Variants in IGF1R observed in about 807,000 individuals in gnomAD.
IGF1R encodes the protein insulin-like growth factor 1 receptor.
A neutral mutation model predicts 144.6 loss-of-function variants in IGF1R; 44 were observed. That is an observed-to-expected ratio of 0.30 (90% confidence interval 0.24 to 0.39). IGF1R has a LOEUF of 0.39. IGF1R is among the 10% of genes least tolerant of loss of function. IGF1R has a pLI of 1.00. For missense variants in IGF1R, 1,355 were observed against 1,833.7 expected (o/e 0.74, Z 4.77); for synonymous variants, 795 against 722.8 (o/e 1.10, Z -1.60).
chr15:98,708,144 C>G, intron 2 of IGF1R, 37 bp downstream of exon 2: 2 of 1,534,084 alleles, frequency 1.3e-6, no homozygotes, highest in Admixed American at 1.7e-5. Context: ...CTCTCTGCCT[C>G]TCTCTCTCCT....
chr15:98,664,602 T>G (rs1434248306), intron 1 of IGF1R, among the ~76,000 whole-genome samples: 3 of 142,358 alleles, frequency 2.1e-5, no homozygotes, highest in Non-Finnish European at 3.1e-5. Flanking sequence ...GAGGTGGAGG[T>G]TGGAGGTTGG....
chr15:98,888,438 A>AGAGTGTGTGTGTGT (rs1555457179), intron 2 of IGF1R, among the ~76,000 whole-genome samples: 169 of 143,452 alleles, frequency 1.2e-3, no homozygotes, highest in East Asian at 0.011. Context: ...AGAGAGAGAG[A>AGAGTGTGTGTGTGT]GTGTGTGTGT....
At chr15:98,816,258 A>G (rs749675940) in intron 2 of IGF1R, among the ~76,000 whole-genome samples, 31 of 152,178 alleles carry the variant, frequency 2.0e-4, no homozygotes, top group Admixed American at 1.1e-3. Flanking sequence ...ATTCCCATCA[A>G]TAACTACAAG....
chr15:98,962,756 C>T lies in IGF1R; in HGVS notation c.*5314C>T, dbSNP rs897095466. ...TTGATTGTTCTTGAAGCTATCAGAC[C>T]ACATCGAGGCTCAGCAGTCATCCGT... On this transcript the variant is annotated 3_prime_UTR_variant, in exon 21 of 21. Coordinates refer to ENST00000650285, the MANE Select transcript of IGF1R (RefSeq NM_000875.5). 1.2e-4 allele frequency: 27 copies of T among 233,498 alleles called. No homozygotes were observed. The highest frequency in any genetic ancestry group is 4.6e-4 in the African/African-American group (21 of 45,454). The allele number at this position is 233,498 out of a possible 1,614,324, so 14.5% of individuals were successfully genotyped here. A position where few individuals can be genotyped will look rare whatever the true frequency, so the allele number is the denominator to read the frequency against.
At chr15:98,725,817 T>TA (rs2054344504) in intron 2 of IGF1R, among the ~76,000 whole-genome samples, 2 of 152,334 alleles carry the variant, frequency 1.3e-5, no homozygotes, top group East Asian at 1.9e-4. Flanking sequence ...AGGTACTTCT[T>TA]ACATGGTGGC....
intron 12 of IGF1R, 59 bp from the exon 13 acceptor site, chr15:98,924,466 C>A: frequency 6.4e-7 from 1 of 1,561,970 alleles, no homozygotes; most frequent in Non-Finnish European, 8.8e-7. Flanking sequence ...GTTTAGTTGG[C>A]AGGCCCCAGA....
chr15:98,722,758 A>T (rs1031869228), intron 2 of IGF1R, among the ~76,000 whole-genome samples: 1 of 152,082 alleles, frequency 6.6e-6, no homozygotes, highest in African/African-American at 2.4e-5. Context: ...CACTTAACAG[A>T]TGTTCAGGAT....
Position 98,849,410 on chromosome 15 carries a change from G to C in IGF1R, c.641-41915G>C, listed in dbSNP as rs117475943. Among the ~76,000 whole-genome samples the C allele has an allele frequency of 7.3e-3, 1,111 of 152,290 alleles. 6 individuals carry two copies. The highest frequency in any genetic ancestry group is 0.012 in the Non-Finnish European group (796 of 68,024). On this transcript the variant is annotated intron_variant, in intron 2 of 20. Coordinates refer to ENST00000650285, the MANE Select transcript of IGF1R (RefSeq NM_000875.5). Reference sequence around the variant, plus strand: ...ATACATTATACCATGTACCAGGCTAGACTCCAAGTGAATCCAAGGTAAAAG... The same window carrying C: ...ATACATTATACCATGTACCAGGCTACACTCCAAGTGAATCCAAGGTAAAAG...
intron 2 of IGF1R, among the ~76,000 whole-genome samples, chr15:98,748,072 T>A (rs1228275108): frequency 2.6e-5 from 4 of 152,250 alleles, no homozygotes; most frequent in African/African-American, 9.6e-5. Context: ...AATTTTTATT[T>A]CTGATTTTCT....
rs1457530119 is a variant in IGF1R, at chr15:98,957,490, G to T, written c.*48G>T. On this transcript the variant is annotated 3_prime_UTR_variant, in exon 21 of 21. Coordinates refer to ENST00000650285, the MANE Select transcript of IGF1R (RefSeq NM_000875.5). The stretch of plus-strand genomic sequence containing the variant: ...AAACAGTAACGTGTGCGCACGCGCA[G>T]CGGGGTGGGGGGGGAGAGAGAGTTT... 1 of 1,610,062 alleles carries T rather than the reference G, an allele frequency of 6.2e-7. No homozygotes were observed. Among genetic ancestry groups the T allele is most frequent in the African/African-American group, 1.3e-5 (1 of 74,842 alleles).
At chr15:98,907,406 T>C (rs2014784676) in intron 5 of IGF1R, among the ~76,000 whole-genome samples, 1 of 152,230 alleles carries the variant, frequency 6.6e-6, no homozygotes, top group South Asian at 2.1e-4. Context: ...TGTTTTGTCC[T>C]GGCTACGCTG....
At chr15:98,701,212 T>C (rs1183220247) in intron 1 of IGF1R, among the ~76,000 whole-genome samples, 1 of 152,178 alleles carries the variant, frequency 6.6e-6, no homozygotes, top group Non-Finnish European at 1.5e-5. Context: ...AAGATGATGA[T>C]TGGTTCACTA....
In IGF1R at chr15:98,830,717, C is replaced by T. The variant is rs1016152521; in HGVS notation, c.641-60608C>T. 2.0e-5 allele frequency among the ~76,000 whole-genome samples: 3 copies of T among 151,606 alleles called. No individual in the cohort carries two copies. The East Asian group carries it at 5.8e-4, about 30-fold the overall frequency. On this transcript the variant is annotated intron_variant, in intron 2 of 20. Transcript: ENST00000650285. ...CTTCTGGGTTCAAGCAATTCTCCTGCGTCAGCCTCCCAAGTAGCTAGGATT... is the reference window on the plus strand; with the variant it reads ...CTTCTGGGTTCAAGCAATTCTCCTGTGTCAGCCTCCCAAGTAGCTAGGATT...
At chr15:98,732,484 G>T (rs1315802262) in intron 2 of IGF1R, among the ~76,000 whole-genome samples, 2 of 152,258 alleles carry the variant, frequency 1.3e-5, no homozygotes, top group East Asian at 3.9e-4. Context: ...TTTCCTGAAG[G>T]GTCTCTGGCA....
chr15:98,860,549 T>C (rs2012093303), intron 2 of IGF1R, among the ~76,000 whole-genome samples: 1 of 152,236 alleles, frequency 6.6e-6, no homozygotes, highest in South Asian at 2.1e-4. Context: ...TGTACTTCTT[T>C]GCTTCTTACT....
chr15:98,783,950 C>T (rs2055919409), intron 2 of IGF1R, among the ~76,000 whole-genome samples: 1 of 143,026 alleles, frequency 7.0e-6, no homozygotes, highest in Non-Finnish European at 1.5e-5. Flanking sequence ...AATACTATGG[C>T]ATCTGAAATT....
intron 1 of IGF1R, among the ~76,000 whole-genome samples, chr15:98,680,778 C>A (rs1431848526): frequency 6.6e-6 from 1 of 151,562 alleles, no homozygotes; most frequent in Admixed American, 6.6e-5. Context: ...CACTATGTTG[C>A]CTAGGCTGGT....
chr15:98,886,663 A>C (rs1223289053), intron 2 of IGF1R, among the ~76,000 whole-genome samples: 1 of 152,052 alleles, frequency 6.6e-6, no homozygotes, highest in Non-Finnish European at 1.5e-5. Context: ...ACTAGGTGAA[A>C]TTCTCAGTTT....
At position 98,659,865 on chromosome 15, in the gene IGF1R, C is replaced by G. The variant is rs572426301; in HGVS notation, c.94+10190C>G. Among the ~76,000 whole-genome samples the G allele has an allele frequency of 1.7e-4, 26 of 152,324 alleles. No homozygotes were observed. The South Asian group carries it at 5.2e-3, about 30-fold the overall frequency. On this transcript the variant is annotated intron_variant, in intron 1 of 20. Transcript: ENST00000650285. ...ACACTTTCATTCTCTTCTCTCTCCC[C>G]TTTGGCTATTCTATGTGGTTAAGAT...
Sources: gnomAD v4.1 joint callset for allele counts (sites outside exome capture counted in the v4.1 genomes callset) on GRCh38, gnomAD v4.1.1 for gene constraint, MANE v1.5 for transcripts, NCBI Gene and HGNC (gene_info 2026-07-23, HGNC 2026-07-21) for gene names.